Variants in NSG1 observed in about 807,000 individuals in gnomAD.
NSG1 encodes the protein neuronal vesicle trafficking associated 1.
In NSG1, 9 loss-of-function variants were observed where a neutral mutation model predicts 19.3. The observed-to-expected ratio is 0.47, with a 90% confidence interval of 0.28 to 0.81. The LOEUF is 0.81. NSG1 is among the 40% of genes least tolerant of loss of function. NSG1 has a pLI of 0.11. For missense variants in NSG1, 236 were observed against 242.4 expected (o/e 0.97, Z 0.18); for synonymous variants, 104 against 107.0 (o/e 0.97, Z 0.17).
chr4:4,413,124 C>G (rs1368397297), intron 4 of NSG1, among the ~76,000 whole-genome samples: 1 of 152,130 alleles, frequency 6.6e-6, no homozygotes, highest in Non-Finnish European at 1.5e-5. Context: ...GGCGCTGGAA[C>G]ACAGCCGAGA....
intron 3 of NSG1, among the ~76,000 whole-genome samples, chr4:4,405,794 C>T (rs6446642): frequency 0.17 from 25,917 of 152,140 alleles, 2,419 homozygotes; most frequent in African/African-American, 0.25. Context: ...CAGGGACTCT[C>T]GCATTCTCGT....
chr4:4,394,523 C>T (rs931683331), intron 3 of NSG1, among the ~76,000 whole-genome samples: 1 of 152,230 alleles, frequency 6.6e-6, no homozygotes, highest in Admixed American at 6.5e-5. Flanking sequence ...ATTGGTGTGG[C>T]CCTTCCAAGC....
intron 3 of NSG1, among the ~76,000 whole-genome samples, chr4:4,404,012 A>T (rs961796747): frequency 6.6e-6 from 1 of 152,220 alleles, no homozygotes; most frequent in South Asian, 2.1e-4. Flanking sequence ...CTATGCCGCT[A>T]TCGCTACTTG....
intron 3 of NSG1, among the ~76,000 whole-genome samples, chr4:4,395,893 C>T (rs1161452904): frequency 6.6e-6 from 1 of 152,142 alleles, no homozygotes; most frequent in Non-Finnish European, 1.5e-5. Flanking sequence ...GGATGGCATC[C>T]TTGAAACGGA....
At chr4:4,397,301 C>T (rs1057164450) in intron 3 of NSG1, among the ~76,000 whole-genome samples, 17 of 152,282 alleles carry the variant, frequency 1.1e-4, no homozygotes, top group Middle Eastern at 3.4e-3. Flanking sequence ...GGGCTTGGGG[C>T]GCCATGAGCA....
chr4:4,406,851 G>A (rs1723887094), intron 3 of NSG1, among the ~76,000 whole-genome samples: 1 of 152,240 alleles, frequency 6.6e-6, no homozygotes, highest in African/African-American at 2.4e-5. Context: ...ATCAGGGCTT[G>A]CGGCTATCAT....
intron 3 of NSG1, among the ~76,000 whole-genome samples, chr4:4,409,345 A>T (rs1402034552): frequency 6.6e-6 from 1 of 152,264 alleles, no homozygotes; most frequent in Non-Finnish European, 1.5e-5. Context: ...AAAATAACTA[A>T]TTTAAAATGA....
chr4:4,404,582 G>A (rs916345604), intron 3 of NSG1, among the ~76,000 whole-genome samples: 2 of 152,200 alleles, frequency 1.3e-5, no homozygotes, highest in Non-Finnish European at 1.5e-5. Context: ...GCTGGTGGTC[G>A]TGGTTCTCCA....
intron 3 of NSG1, among the ~76,000 whole-genome samples, chr4:4,397,025 G>A (rs1723288714): frequency 8.2e-6 from 1 of 121,520 alleles, no homozygotes; most frequent in African/African-American, 3.0e-5. Context: ...CAGATACCAC[G>A]TGGGTTCAGT....
intron 3 of NSG1, among the ~76,000 whole-genome samples, chr4:4,409,243 CAT>C (rs761977250): frequency 2.1e-4 from 32 of 152,398 alleles, no homozygotes; most frequent in Admixed American, 1.4e-3. Context: ...ACTTCTCACA[CAT>C]GTGTCTTAGT....
intron 3 of NSG1, among the ~76,000 whole-genome samples, chr4:4,400,835 G>C (rs1006198093): frequency 2.6e-5 from 4 of 152,164 alleles, no homozygotes; most frequent in Admixed American, 2.6e-4. Flanking sequence ...CTTGTTCAGT[G>C]TGTTAATAAA....
chr4:4,410,097 A>G (rs1018040860), intron 4 of NSG1, among the ~76,000 whole-genome samples: 2 of 152,140 alleles, frequency 1.3e-5, no homozygotes, highest in Non-Finnish European at 2.9e-5. Flanking sequence ...GGGGAAGCCA[A>G]GTCCCACAGA....
chr4:4,397,006 C>T (rs1204003094), intron 3 of NSG1, among the ~76,000 whole-genome samples: 4 of 149,196 alleles, frequency 2.7e-5, no homozygotes, highest in South Asian at 4.2e-4. Context: ...GTGGGGGCTT[C>T]GGCTGAATCA....
intron 3 of NSG1, among the ~76,000 whole-genome samples, chr4:4,402,212 T>TC (rs1723585392): frequency 6.7e-6 from 1 of 148,594 alleles, no homozygotes; most frequent in South Asian, 2.2e-4. Flanking sequence ...TTCCTTTGAT[T>TC]TTTTTTTTTT....
chr4:4,413,660 G>C (rs1396006660), intron 4 of NSG1, among the ~76,000 whole-genome samples: 2 of 151,656 alleles, frequency 1.3e-5, no homozygotes, highest in Non-Finnish European at 2.9e-5. Flanking sequence ...GGCAGAGGAT[G>C]AACCAGCTTA....
At chr4:4,416,683 A>G (rs1406494775) in intron 4 of NSG1, among the ~76,000 whole-genome samples, 4 of 147,258 alleles carry the variant, frequency 2.7e-5, no homozygotes, top group Admixed American at 6.8e-5. Flanking sequence ...GCCCCTCCCT[A>G]CCCCCTCGCC....
intron 3 of NSG1, among the ~76,000 whole-genome samples, chr4:4,393,208 C>T (rs1172963100): frequency 1.3e-5 from 2 of 152,182 alleles, no homozygotes; most frequent in Non-Finnish European, 2.9e-5. Context: ...CCAGCCCCGG[C>T]GTTTTAGGTC....
intron 4 of NSG1, among the ~76,000 whole-genome samples, chr4:4,416,346 T>A (rs142150241): frequency 9.2e-5 from 14 of 152,316 alleles, no homozygotes; most frequent in African/African-American, 3.4e-4. Flanking sequence ...AATAGCTCTT[T>A]GTTCACAAGG....
intron 3 of NSG1, among the ~76,000 whole-genome samples, chr4:4,398,022 C>T (rs773363661): frequency 1.3e-5 from 2 of 152,102 alleles, no homozygotes; most frequent in Non-Finnish European, 2.9e-5. Flanking sequence ...GGCACGATCT[C>T]GGCTCACTGC....
Sources: allele counts gnomAD v4.1 joint callset (sites outside exome capture counted in the v4.1 genomes callset), GRCh38; gene constraint gnomAD v4.1.1; transcripts MANE v1.5; gene names NCBI Gene and HGNC (gene_info 2026-07-23, HGNC 2026-07-21).